The following DAB2 variants were observed in gnomAD, a reference collection of about 807,000 sequenced individuals.
DAB2 encodes the protein DAB adaptor protein 2.
In DAB2, 28 loss-of-function variants were observed where a neutral mutation model predicts 71.6. That is an observed-to-expected ratio of 0.39 (90% confidence interval 0.29 to 0.54). The LOEUF is 0.54. Among genes scored for constraint, DAB2 ranks in the 20% least tolerant of loss-of-function variants. The pLI, the probability that DAB2 is intolerant of heterozygous loss-of-function variation, is 0.68. For synonymous variants in DAB2, 345 were observed against 339.7 expected, an observed-to-expected ratio of 1.02 and a Z score of -0.17; for missense variants, 867 against 928.8, an observed-to-expected ratio of 0.93 and a Z score of 0.86.
intron 9 of DAB2, among the ~76,000 whole-genome samples, chr5:39,384,088 T>C (rs1755042700): frequency 6.6e-6 from 1 of 152,198 alleles, no homozygotes; most frequent in South Asian, 2.1e-4. Context: ...TATTTGTACA[T>C]CTTTTCATAA....
intron 1 of DAB2, among the ~76,000 whole-genome samples, chr5:39,415,117 G>T (rs759568691): frequency 1.2e-4 from 19 of 152,256 alleles, no homozygotes; most frequent in Non-Finnish European, 2.4e-4. Flanking sequence ...TATATAAATT[G>T]CTGTATTGAT....
rs780767510 is a variant in DAB2, at chr5:39,389,832, C to T, written c.543+20G>A. On this transcript the variant is annotated intron_variant, in intron 6 of 14. Coordinates refer to ENST00000320816, the MANE Select transcript of DAB2 (RefSeq NM_001343.4). The stretch of plus-strand genomic sequence containing the variant: ...CAGCCAGTTTTAAATTTAATAGAGC[C>T]TTAATCAGGTAGTACTTGCCTTTTT... The T allele has an allele frequency of 4.3e-6, 6 of 1,386,562 alleles. No homozygotes were observed. In the East Asian group the frequency reaches 1.2e-4, roughly 27 times the overall value. 85.9% of individuals were successfully genotyped at this position (1,386,562 alleles called of 1,614,324 possible).
intron 11 of DAB2, among the ~76,000 whole-genome samples, chr5:39,380,465 A>G (rs1279204025): frequency 6.6e-6 from 1 of 152,182 alleles, no homozygotes; most frequent in Non-Finnish European, 1.5e-5. Context: ...ACCGAAGGAG[A>G]GGAGAGTCCT....
In DAB2 at chr5:39,392,729, T is replaced by TCAA. The variant is rs1755265217; in HGVS notation, c.232-267_232-266insTTG. Among the ~76,000 whole-genome samples the TCAA allele has an allele frequency of 2.0e-5, 3 of 152,320 alleles. No homozygotes were observed. The East Asian group carries it at 5.8e-4, about 29-fold the overall frequency. The stretch of plus-strand genomic sequence containing the variant: ...ACTGGTAAAGCTCAACTAGAAGATC[T>TCAA]TTAGAGATGTTTCTTCTAGGCCTTG... On this transcript the variant is annotated intron_variant, in intron 3 of 14. Transcript: ENST00000320816.
chr5:39,399,963 G>A (rs1755457785), intron 1 of DAB2, among the ~76,000 whole-genome samples: 2 of 152,132 alleles, frequency 1.3e-5, no homozygotes, highest in Admixed American at 1.3e-4. Context: ...AGGTTTTGAA[G>A]CAATATCATA....
rs995840448 is a variant in DAB2, at chr5:39,424,951, G to C, written c.-249C>G. 6.6e-6 allele frequency: 1 copy of C among 152,462 alleles called. No individual in the cohort carries two copies. The highest frequency in any genetic ancestry group is 1.5e-5 in the Non-Finnish European group (1 of 68,120). 9.4% of individuals were successfully genotyped at this position (152,462 alleles called of 1,614,324 possible). A position where few individuals can be genotyped will look rare whatever the true frequency, so the allele number is the denominator to read the frequency against. ...GCGGCCACTCCCGGCGAGAGATATG[G>C]TTCTAATCAGATGCTGGCAGCTGAG... On this transcript the variant is annotated 5_prime_UTR_variant, in exon 1 of 15. Transcript: ENST00000320816.
chr5:39,409,093 T>C (rs942934817), intron 1 of DAB2, among the ~76,000 whole-genome samples: 1 of 151,368 alleles, frequency 6.6e-6, no homozygotes, highest in African/African-American at 2.4e-5. Context: ...GGCCTCCCAA[T>C]AGTTAGCCTA....
At chr5:39,394,546 G>C in intron 1 of DAB2, 125 bp from the exon 2 acceptor site, 2 of 549,520 alleles carry the variant, frequency 3.6e-6, no homozygotes, top group South Asian at 5.0e-5. Flanking sequence ...TCCTTCTCCT[G>C]CTGTATTAGA....
chr5:39,377,222 T>C lies in DAB2; in HGVS notation c.1565A>G (p.Asn522Ser), dbSNP rs757800249. 8.1e-6 allele frequency: 13 copies of C among 1,614,106 alleles called. No individual in the cohort carries two copies. The highest frequency in any genetic ancestry group is 1.1e-5 in the South Asian group (1 of 91,072). ...TCCCGGAGCCATTGAAGGGGACTGATTGAAGACCAAAGATGCTGTGTTCCA... is the reference window on the plus strand; with the variant it reads ...TCCCGGAGCCATTGAAGGGGACTGACTGAAGACCAAAGATGCTGTGTTCCA... Reference protein sequence around the residue: ...GPWNTASLVFNQSPSMAPGAM... With the variant: ...GPWNTASLVFSQSPSMAPGAM... The change falls in exon 12 of 15, where the codon AAT becomes AGT. Residue 522 changes from asparagine to serine, a missense_variant. Physicochemically the swap from Asn to Ser is conservative, Grantham distance 46. Around this residue, in one of 2 missense-constraint regions of DAB2, gnomAD observed 740 missense variants for 734.3 expected, o/e 1.01. Coordinates refer to ENST00000320816, the MANE Select transcript of DAB2 (RefSeq NM_001343.4).
chr5:39,389,538 T>A (rs530546567), intron 6 of DAB2, among the ~76,000 whole-genome samples: 1 of 152,240 alleles, frequency 6.6e-6, no homozygotes, highest in East Asian at 1.9e-4. Flanking sequence ...TGAGACAGAG[T>A]CTCGTTCTGT....
At chr5:39,421,598 G>A (rs1175101742) in intron 1 of DAB2, among the ~76,000 whole-genome samples, 4 of 152,108 alleles carry the variant, frequency 2.6e-5, no homozygotes, top group South Asian at 2.1e-4. Flanking sequence ...CTCTGTGTCC[G>A]TACCAGTCAT....
At chr5:39,387,455 T>A (rs1439720871) in intron 9 of DAB2, among the ~76,000 whole-genome samples, 2 of 152,142 alleles carry the variant, frequency 1.3e-5, no homozygotes, top group Non-Finnish European at 2.9e-5. Context: ...ACTAACGATG[T>A]GATTAGTTTT....
intron 1 of DAB2, among the ~76,000 whole-genome samples, chr5:39,401,843 G>C (rs6877222): frequency 0.98 from 148,182 of 151,902 alleles, 72,676 homozygotes; most frequent in Non-Finnish European, 1. Context: ...AGCTCCGCCT[G>C]CCGGGTTCAC....
chr5:39,388,825 C>T lies in DAB2; in HGVS notation c.598G>A (p.Asp200Asn). ...ENGSEALMIL[D>N]DQTNKLKSGV... is the part of the protein sequence containing the mutation. The stretch of plus-strand genomic sequence containing the variant: ...GATTTCAGTTTGTTAGTTTGGTCAT[C>T]TAGAATCATTAGGGCCTCACTCCCA... Residue 200 changes from aspartate to asparagine, a missense_variant, in exon 8 of 15, where the codon GAT becomes AAT. Physicochemically the swap from Asp to Asn is conservative, Grantham distance 23. Transcript: ENST00000320816. 1.9e-6 allele frequency: 3 copies of T among 1,613,438 alleles called. No homozygotes were observed. The South Asian group carries it at 3.3e-5, about 18-fold the overall frequency.
chr5:39,383,393 G>T (rs575418045), intron 9 of DAB2, 122 bp from the exon 10 acceptor site: 1 of 799,908 alleles, frequency 1.3e-6, no homozygotes, highest in Admixed American at 2.7e-5. Flanking sequence ...TTGATAAATC[G>T]GTTGATCATT....
Position 39,376,769 on chromosome 5 carries a change from T to C in DAB2, c.2018A>G (p.Gln673Arg), listed in dbSNP as rs1170660960. ...PPAVPARKGE[Q>R]TSSGTLSAFA... Reference sequence around the variant, plus strand: ...GGCACTCAAAGTCCCAGAAGAAGTCTGCTCTCCCTTCCGCGCGGGCACAGC... The same window carrying C: ...GGCACTCAAAGTCCCAGAAGAAGTCCGCTCTCCCTTCCGCGCGGGCACAGC... Residue 673 changes from glutamine to arginine, a missense_variant, in exon 12 of 15, where the codon CAG becomes CGG. Around this residue, in one of 2 missense-constraint regions of DAB2, gnomAD observed 740 missense variants for 734.3 expected, o/e 1.01. Transcript: ENST00000320816. 1.2e-6 allele frequency: 2 copies of C among 1,614,170 alleles called. No individual in the cohort carries two copies. Among genetic ancestry groups the C allele is most frequent in the South Asian group, 1.1e-5 (1 of 91,078 alleles).
intron 1 of DAB2, chr5:39,408,760 G>A (rs1419054192): frequency 6.6e-6 from 1 of 152,160 alleles, no homozygotes; most frequent in African/African-American, 2.4e-5. Context: ...AGAACCAGCA[G>A]CCTGACAACC....
chr5:39,390,065 T>G lies in DAB2; in HGVS notation c.463-133A>C, dbSNP rs563047614. On this transcript the variant is annotated intron_variant, in intron 5 of 14. Coordinates refer to ENST00000320816, the MANE Select transcript of DAB2 (RefSeq NM_001343.4). ...CGCCTTACTACCCTCTGCTGGCTTATAGGGGATCACCACCAACCCAATCCT... is the reference window on the plus strand; with the variant it reads ...CGCCTTACTACCCTCTGCTGGCTTAGAGGGGATCACCACCAACCCAATCCT... The G allele has an allele frequency of 5.5e-5, 37 of 669,274 alleles. No individual in the cohort carries two copies. In the Admixed American group the frequency reaches 5.6e-4, roughly 10 times the overall value. 41.5% of individuals were successfully genotyped at this position (669,274 alleles called of 1,614,324 possible). A position where few individuals can be genotyped will look rare whatever the true frequency, so the allele number is the denominator to read the frequency against.
Position 39,381,593 on chromosome 5 carries a change from T to A in DAB2, c.1365A>T (p.Ala455=), listed in dbSNP as rs966585851. 6.2e-6 allele frequency: 10 copies of A among 1,613,962 alleles called. No homozygotes were observed. Among genetic ancestry groups the A allele is most frequent in the Non-Finnish European group, 8.5e-6 (10 of 1,179,932 alleles). Residue 455 remains alanine (A), a synonymous_variant, in exon 11 of 15, where the codon GCA becomes GCT. Transcript: ENST00000320816. ...AGACGGGAGGAGCAAAGATGTCTGATGCAAGCAAGTCATTGGCTGAAGACT... is the reference window on the plus strand; with the variant it reads ...AGACGGGAGGAGCAAAGATGTCTGAAGCAAGCAAGTCATTGGCTGAAGACT... ...TAKSSANDLL[A]SDIFAPPVSE...
Sources: gnomAD v4.1 joint callset for allele counts (sites outside exome capture counted in the v4.1 genomes callset) on GRCh38, gnomAD v4.1.1 for gene constraint, gnomAD v4.1.1 regional missense constraint, MANE v1.5 for transcripts, NCBI Gene and HGNC (gene_info 2026-07-23, HGNC 2026-07-21) for gene names.